Variants in NDRG3 observed in about 807,000 individuals in gnomAD.
NDRG3 encodes NDRG family member 3.
Under a neutral mutation model 57.2 loss-of-function variants are expected in NDRG3, and 23 were observed. That is an observed-to-expected ratio of 0.40 (90% CI 0.29 to 0.57). NDRG3 has a LOEUF of 0.57. NDRG3 is among the 20% of genes least tolerant of loss of function. The pLI is 0.42. For missense variants in NDRG3, 384 were observed against 457.3 expected, an observed-to-expected ratio of 0.84 and a Z score of 1.46; for synonymous variants, 132 against 162.6, an observed-to-expected ratio of 0.81 and a Z score of 1.43.
At chr20:36,701,116 C>A (rs1983196802) in intron 3 of NDRG3, among the ~76,000 whole-genome samples, 1 of 152,168 alleles carries the variant, frequency 6.6e-6, no homozygotes, top group Non-Finnish European at 1.5e-5. Context: ...CAAGGCTATG[C>A]ACTTCTTGAA....
intron 2 of NDRG3, among the ~76,000 whole-genome samples, chr20:36,714,998 GTGTGTGTGTATATATATATATA>G (rs1363794932): frequency 5.3e-5 from 3 of 56,882 alleles, no homozygotes; most frequent in Admixed American, 2.0e-4. Context: ...GTGTGTGTGT[GTGTGTGTGTATATATATATATA>G]TATATATATA....
At chr20:36,675,748 G>A (rs900127412) in intron 8 of NDRG3, among the ~76,000 whole-genome samples, 3 of 151,526 alleles carry the variant, frequency 2.0e-5, no homozygotes, top group Non-Finnish European at 4.4e-5. Context: ...TCTCTAACTC[G>A]TGGGCTCAAG....
intron 8 of NDRG3, among the ~76,000 whole-genome samples, chr20:36,672,604 G>C (rs1600870854): frequency 6.6e-6 from 1 of 152,142 alleles, no homozygotes; most frequent in East Asian, 1.9e-4. Flanking sequence ...CGAGGCCAGC[G>C]GATCACCTGA....
chr20:36,744,805 C>CA (rs1470703429), intron 1 of NDRG3, among the ~76,000 whole-genome samples: 1 of 152,160 alleles, frequency 6.6e-6, no homozygotes, highest in Non-Finnish European at 1.5e-5. Context: ...AACCTTGGGG[C>CA]AAAGGCAGAA....
intron 1 of NDRG3, among the ~76,000 whole-genome samples, chr20:36,744,351 C>A (rs987943628): frequency 6.6e-6 from 1 of 151,950 alleles, no homozygotes; most frequent in African/African-American, 2.4e-5. Flanking sequence ...GAAGGAGGAA[C>A]AGAAGGGCAC....
intron 3 of NDRG3, among the ~76,000 whole-genome samples, chr20:36,706,156 C>T (rs1176412266): frequency 6.6e-6 from 1 of 152,174 alleles, no homozygotes; most frequent in Non-Finnish European, 1.5e-5. Context: ...AAAAGCAGAC[C>T]AGGAAGAACA....
At chr20:36,705,212 C>T (rs1332711768) in intron 3 of NDRG3, among the ~76,000 whole-genome samples, 3 of 151,240 alleles carry the variant, frequency 2.0e-5, no homozygotes, top group Non-Finnish European at 4.4e-5. Context: ...ATCCCAGCTA[C>T]TTGGAGGCTG....
At chr20:36,739,533 C>G (rs1211176151) in intron 1 of NDRG3, among the ~76,000 whole-genome samples, 2 of 151,280 alleles carry the variant, frequency 1.3e-5, no homozygotes, top group African/African-American at 2.4e-5. Context: ...CTGGGCCAGG[C>G]ACAGTGGCTC....
At chr20:36,711,128 A>C (rs1983849673) in intron 2 of NDRG3, among the ~76,000 whole-genome samples, 1 of 150,950 alleles carries the variant, frequency 6.6e-6, no homozygotes, top group Non-Finnish European at 1.5e-5. Context: ...AAAAAAAAAA[A>C]AAAAATAGCC....
chr20:36,675,244 G>C (rs1435735211), intron 8 of NDRG3, among the ~76,000 whole-genome samples: 2 of 151,482 alleles, frequency 1.3e-5, no homozygotes, highest in African/African-American at 2.4e-5. Context: ...ATTTTTAGTA[G>C]AGACGGGGTT....
intron 2 of NDRG3, among the ~76,000 whole-genome samples, chr20:36,719,662 C>T (rs1259861104): frequency 6.6e-6 from 1 of 151,918 alleles, no homozygotes; most frequent in Non-Finnish European, 1.5e-5. Context: ...TGGTGTCACC[C>T]GCACACCCCC....
At chr20:36,712,585 A>ATTTTT (rs1273225549) in intron 2 of NDRG3, among the ~76,000 whole-genome samples, 179 of 8,460 alleles carry the variant, frequency 0.021, 2 homozygotes, top group Non-Finnish European at 0.027. Flanking sequence ...ATATATATAT[A>ATTTTT]TATTTTTTTT....
chr20:36,722,834 A>G (rs1984676376), intron 1 of NDRG3, among the ~76,000 whole-genome samples: 1 of 152,228 alleles, frequency 6.6e-6, no homozygotes, highest in Non-Finnish European at 1.5e-5. Flanking sequence ...CTAATAGAAT[A>G]TGGAGGAAGC....
Position 36,724,325 on chromosome 20 carries a change from C to T in NDRG3, c.-48-2542G>A, listed in dbSNP as rs553325248. On this transcript the variant is annotated intron_variant, in intron 1 of 15. Transcript: ENST00000349004. ...CACAAATTTGATGATGTTTAACCTCCCTATAGGACAGTGGTTCTTTTGTCA... is the reference window on the plus strand; with the variant it reads ...CACAAATTTGATGATGTTTAACCTCTCTATAGGACAGTGGTTCTTTTGTCA... Among the ~76,000 whole-genome samples, 85 of 152,224 alleles carry T rather than the reference C, an allele frequency of 5.6e-4. 1 individual carries two copies. The South Asian group carries it at 0.017, about 31-fold the overall frequency.
chr20:36,664,108 TA>T (rs1468406594), intron 12 of NDRG3, among the ~76,000 whole-genome samples: 2 of 152,136 alleles, frequency 1.3e-5, no homozygotes, highest in African/African-American at 4.8e-5. Context: ...TGGCCAACAG[TA>T]ACATTATTAA....
chr20:36,656,607 CA>C lies in NDRG3; in HGVS notation c.859-76del, dbSNP rs373089523. The C allele has an allele frequency of 1.2e-4, 183 of 1,510,974 alleles. No individual in the cohort carries two copies. The African/African-American group carries it at 1.9e-3, about 16-fold the overall frequency. The allele number at this position is 1,510,974 out of a possible 1,614,324, so 93.6% of individuals were successfully genotyped here. A position where few individuals can be genotyped will look rare whatever the true frequency, so the allele number is the denominator to read the frequency against. On this transcript the variant is annotated intron_variant, in intron 13 of 15. Coordinates refer to ENST00000349004, the MANE Select transcript of NDRG3 (RefSeq NM_032013.4). ...TTGCTCTGAACACCCCAAGTCCTTT[CA>C]AACAGAACAAGATTGAATTCTAGGT...
intron 2 of NDRG3, among the ~76,000 whole-genome samples, chr20:36,712,589 T>TA (rs1600940687): frequency 3.5e-4 from 7 of 19,854 alleles, no homozygotes; most frequent in Admixed American, 1.6e-3. Flanking sequence ...ATATATATAT[T>TA]TTTTTTTTTT....
chr20:36,711,828 C>G (rs1983899572), intron 2 of NDRG3, among the ~76,000 whole-genome samples: 2 of 152,134 alleles, frequency 1.3e-5, no homozygotes. Flanking sequence ...GCCCAGGCTG[C>G]AGTTGCAGTG....
chr20:36,702,690 A>ATT (rs35064051), intron 3 of NDRG3, among the ~76,000 whole-genome samples: 4 of 142,286 alleles, frequency 2.8e-5, no homozygotes, highest in Non-Finnish European at 4.6e-5. Context: ...TGCCCAGCTA[A>ATT]TTTTTTTTTT....
Sources: gnomAD v4.1 joint callset for allele counts (sites outside exome capture counted in the v4.1 genomes callset) on GRCh38, gnomAD v4.1.1 for gene constraint, MANE v1.5 for transcripts, NCBI Gene and HGNC (gene_info 2026-07-23, HGNC 2026-07-21) for gene names.